The following RBP7 variants were observed in gnomAD, a reference collection of about 807,000 sequenced individuals.
The protein encoded by RBP7 is retinol binding protein 7, also known as retinoid-binding protein 7.
Under a neutral mutation model 16.7 loss-of-function variants are expected in RBP7, and 13 were observed. The ratio of observed to expected loss-of-function variants is 0.78; its 90% CI spans 0.51 to 1.24. The LOEUF is 1.24. Among genes scored for constraint, RBP7 ranks in the 50% most tolerant of loss-of-function variants. The pLI is 0.00. For synonymous variants in RBP7, 54 were observed against 56.2 expected (o/e 0.96, Z 0.17); for missense variants, 145 against 159.5 (o/e 0.91, Z 0.49).
At chr1:10,015,667 AAG>A (rs1315033972) in intron 3 of RBP7, 113 bp from the exon 4 acceptor site, 2 of 900,532 alleles carry the variant, frequency 2.2e-6, no homozygotes, top group Admixed American at 2.1e-5. Flanking sequence ...CATCTCATAA[AAG>A]AAAAAAACAT....
At chr1:10,009,526 T>A (rs1175907136) in intron 3 of RBP7, among the ~76,000 whole-genome samples, 2 of 151,656 alleles carry the variant, frequency 1.3e-5, no homozygotes, top group Non-Finnish European at 2.9e-5. Flanking sequence ...GTCTTATTTT[T>A]TTTTTTTTTT....
At chr1:10,000,070 A>T (rs956982787) in intron 1 of RBP7, among the ~76,000 whole-genome samples, 1 of 151,190 alleles carries the variant, frequency 6.6e-6, no homozygotes, top group African/African-American at 2.4e-5. Context: ...TCTACTAAAA[A>T]TACAAAAAAT....
Position 9,999,795 on chromosome 1 carries a change from T to A in RBP7, c.73+2464T>A, listed in dbSNP as rs368586690. On this transcript the variant is annotated intron_variant, in intron 1 of 3. Transcript: ENST00000294435. ...CACTTATAGCACTAGAGTGGTTGTT[T>A]ACATAATACTGTAATACTCTTTTTT... Among the ~76,000 whole-genome samples, 47 of 148,494 alleles carry A rather than the reference T, an allele frequency of 3.2e-4. No individual in the cohort carries two copies. The South Asian group carries it at 0.01, about 32-fold the overall frequency.
At chr1:10,006,392 C>A (rs1200159532) in intron 1 of RBP7, among the ~76,000 whole-genome samples, 1 of 151,952 alleles carries the variant, frequency 6.6e-6, no homozygotes, top group Non-Finnish European at 1.5e-5. Flanking sequence ...TGCCTGTAGT[C>A]CCAGCTATTC....
chr1:10,012,618 C>G (rs1483179739), intron 3 of RBP7, among the ~76,000 whole-genome samples: 35 of 139,268 alleles, frequency 2.5e-4, no homozygotes, highest in Non-Finnish European at 4.5e-4. Flanking sequence ...GTAGGACTAG[C>G]CTGTCTTTAA....
In RBP7 at chr1:10,008,253, C is replaced by T. The variant is rs752820865; in HGVS notation, c.333C>T (p.Ile111=). The part of the protein sequence containing the change: ...EKKNRGWTHW[I]EGDKLHLEMF... ...AGAACAGAGGCTGGACCCATTGGATCGAAGGAGACAAACTCCACCTGGTAT... is the reference window on the plus strand; with the variant it reads ...AGAACAGAGGCTGGACCCATTGGATTGAAGGAGACAAACTCCACCTGGTAT... The change falls in exon 3 of 4, where the codon ATC becomes ATT. Residue 111 remains isoleucine, a synonymous_variant. Transcript: ENST00000294435. 38 of 1,609,630 alleles carry T rather than the reference C, an allele frequency of 2.4e-5. No homozygotes were observed. Among genetic ancestry groups the T allele is most frequent in the South Asian group, 1.1e-4 (10 of 90,988 alleles).
At chr1:9,998,387 T>TTTTCTTTCTTTC (rs34027227) in intron 1 of RBP7, among the ~76,000 whole-genome samples, 126 of 127,600 alleles carry the variant, frequency 9.9e-4, no homozygotes, top group Middle Eastern at 4.4e-3. Context: ...TGTTTTCTTT[T>TTTTCTTTCTTTC]TTTCTTTCTT....
intron 1 of RBP7, among the ~76,000 whole-genome samples, chr1:10,002,135 G>A (rs750234748): frequency 2.6e-5 from 4 of 152,054 alleles, no homozygotes; most frequent in Non-Finnish European, 5.9e-5. Flanking sequence ...GCCCTACACT[G>A]GGATTTAAAG....
intron 1 of RBP7, among the ~76,000 whole-genome samples, chr1:10,001,062 A>G (rs575319249): frequency 1.1e-4 from 16 of 152,084 alleles, no homozygotes; most frequent in Non-Finnish European, 2.2e-4. Context: ...AGTAGAAGTG[A>G]GGTAAATGCC....
intron 3 of RBP7, among the ~76,000 whole-genome samples, chr1:10,014,879 C>T (rs952066767): frequency 3.3e-5 from 5 of 152,072 alleles, no homozygotes; most frequent in African/African-American, 1.2e-4. Flanking sequence ...GGGGGAGTCT[C>T]GTGAGACTGC....
At chr1:9,999,605 C>T (rs906040477) in intron 1 of RBP7, among the ~76,000 whole-genome samples, 1 of 151,972 alleles carries the variant, frequency 6.6e-6, no homozygotes, top group African/African-American at 2.4e-5. Flanking sequence ...TTATCAGCAG[C>T]GTGAAAATGG....
intron 1 of RBP7, among the ~76,000 whole-genome samples, chr1:9,998,485 G>A (rs932733510): frequency 7.2e-5 from 10 of 139,520 alleles, no homozygotes; most frequent in Non-Finnish European, 1.3e-4. Flanking sequence ...TCGGCTCACT[G>A]CAAGCTCCGC....
At chr1:10,007,787 T>C (rs2101736512) in intron 2 of RBP7, 39 bp downstream of exon 2, 2 of 1,579,178 alleles carry the variant, frequency 1.3e-6, no homozygotes, top group Non-Finnish European at 1.7e-6. Flanking sequence ...TGGATTACGC[T>C]TGTAATCCTA....
rs1642199975 is a variant in RBP7, at chr1:9,997,787, T to A, written c.73+456T>A. On this transcript the variant is annotated intron_variant, in intron 1 of 3. Transcript: ENST00000294435. This position sits in a 1 kb window ranked among gnomAD's most constrained non-coding sequence, Gnocchi z 5.9. ...CCGGCCACCCTCCCCGCAGCCGCCT[T>A]CCGTGCAGGCCCCGGGGCCCCGGGC... 6.6e-6 allele frequency among the ~76,000 whole-genome samples: 1 copy of A among 151,712 alleles called. No individual in the cohort carries two copies. The highest frequency in any genetic ancestry group is 2.0e-4 in the East Asian group (1 of 5,106).
At chr1:10,008,510 G>A (rs771125818) in intron 3 of RBP7, among the ~76,000 whole-genome samples, 55 of 149,180 alleles carry the variant, frequency 3.7e-4, no homozygotes, top group Non-Finnish European at 6.8e-4. Context: ...GCGCGATCTC[G>A]GCTCACTGCA....
intron 1 of RBP7, among the ~76,000 whole-genome samples, chr1:10,006,751 G>GTGTGTGTGTA (rs777216075): frequency 7.2e-6 from 1 of 138,458 alleles, no homozygotes; most frequent in East Asian, 2.0e-4. Flanking sequence ...GTGTGTGTGT[G>GTGTGTGTGTA]TATATATATA....
rs754851993 is a variant in RBP7, at chr1:9,997,295, A to G, written c.37A>G (p.Ser13Gly). 13 of 1,610,498 alleles carry G rather than the reference A, an allele frequency of 8.1e-6. No individual in the cohort carries two copies. The South Asian group carries it at 1.3e-4, about 16-fold the overall frequency. ...CCTCAGCGGTACTTGGACCCTGCTC[A>G]GCAGCGACAACTTCGAGGGCTACAT... ...ADLSGTWTLL[S>G]SDNFEGYMLA... The change falls in exon 1 of 4, where the codon AGC becomes GGC. Residue 13 changes from serine to glycine, a missense_variant. Transcript: ENST00000294435. The surrounding 1 kb of genome is among the most constrained non-coding windows in gnomAD (Gnocchi z 5.9).
chr1:10,006,528 T>C (rs1464818331), intron 1 of RBP7, among the ~76,000 whole-genome samples: 1 of 151,546 alleles, frequency 6.6e-6, no homozygotes, highest in East Asian at 1.9e-4. Context: ...AAAAAAATTA[T>C]AAATACATAG....
chr1:10,013,953 G>A lies in RBP7; in HGVS notation c.355-1829G>A, dbSNP rs185744054. ...ACTGCACCACTGCATTCCAGCCTGG[G>A]CGAAGGAGTAAGACCCTGTCTCCAA... On this transcript the variant is annotated intron_variant, in intron 3 of 3. Coordinates refer to ENST00000294435, the MANE Select transcript of RBP7 (RefSeq NM_052960.3). Among the ~76,000 whole-genome samples the A allele has an allele frequency of 2.3e-3, 351 of 152,232 alleles. 4 individuals are homozygous for A. Among genetic ancestry groups the A allele is most frequent in the Non-Finnish European group, 3.5e-3 (238 of 68,024 alleles).
Sources: gnomAD v4.1 joint callset for allele counts (sites outside exome capture counted in the v4.1 genomes callset) on GRCh38, gnomAD v4.1.1 for gene constraint, Gnocchi (gnomAD v3.1) non-coding constraint, MANE v1.5 for transcripts, NCBI Gene and HGNC (gene_info 2026-07-23, HGNC 2026-07-21) for gene names.